JAZF1: variants seen among roughly 807,000 people sequenced by gnomAD.
The protein encoded by JAZF1 is JAZF zinc finger 1, also known as juxtaposed with another zinc finger protein 1.
JAZF1 carries 8 observed loss-of-function variants against 26.4 expected under a neutral mutation model. That is an observed-to-expected ratio of 0.30 (90% CI 0.18 to 0.55). The LOEUF is 0.55. Among genes scored for constraint, JAZF1 ranks in the 20% least tolerant of loss-of-function variants. JAZF1 has a pLI of 0.94. For missense variants in JAZF1, 199 were observed against 322.0 expected (o/e 0.62, Z 2.92); for synonymous variants, 126 against 122.3 (o/e 1.03, Z -0.20).
intron 1 of JAZF1, among the ~76,000 whole-genome samples, chr7:28,045,625 GGAGTA>G (rs1206842908): frequency 1.3e-5 from 2 of 152,258 alleles, no homozygotes; most frequent in Admixed American, 6.5e-5. Context: ...CGCCAAGTTT[GGAGTA>G]TAGTGACATG....
At chr7:27,954,184 C>T (rs1307008843) in intron 2 of JAZF1, among the ~76,000 whole-genome samples, 1 of 152,206 alleles carries the variant, frequency 6.6e-6, no homozygotes, top group Non-Finnish European at 1.5e-5. Flanking sequence ...GGATCCAATC[C>T]ATCATAGCTC....
intron 2 of JAZF1, among the ~76,000 whole-genome samples, chr7:27,907,430 T>G (rs2128344321): frequency 1.3e-5 from 2 of 152,300 alleles, no homozygotes; most frequent in Non-Finnish European, 2.9e-5. Context: ...GGAGAATTCT[T>G]ACATAAGAGG....
intron 1 of JAZF1, among the ~76,000 whole-genome samples, chr7:28,009,985 C>A (rs1054646250): frequency 6.6e-6 from 1 of 152,174 alleles, no homozygotes; most frequent in Non-Finnish European, 1.5e-5. Flanking sequence ...CATAGAAGAT[C>A]ATTTGCAATT....
At chr7:28,117,950 T>A (rs543472325) in intron 1 of JAZF1, among the ~76,000 whole-genome samples, 1 of 152,172 alleles carries the variant, frequency 6.6e-6, no homozygotes, top group Non-Finnish European at 1.5e-5. Flanking sequence ...ACTCACAGAA[T>A]TCTGGTTTAC....
chr7:28,156,061 C>T (rs1384745015), intron 1 of JAZF1, among the ~76,000 whole-genome samples: 1 of 152,256 alleles, frequency 6.6e-6, no homozygotes, highest in Non-Finnish European at 1.5e-5. Context: ...CAAATTGCCA[C>T]TCACTCCAGC....
intron 3 of JAZF1, among the ~76,000 whole-genome samples, chr7:27,851,905 A>G (rs546186640): frequency 6.7e-6 from 1 of 149,616 alleles, no homozygotes; most frequent in South Asian, 2.1e-4. Flanking sequence ...GTTCTGAGTT[A>G]TGGACCCACA....
chr7:27,892,511 C>T (rs1328504657), intron 3 of JAZF1, among the ~76,000 whole-genome samples: 4 of 152,144 alleles, frequency 2.6e-5, no homozygotes, highest in African/African-American at 9.7e-5. Context: ...TCACAGTTAT[C>T]TGGGGTTGGA....
At chr7:27,971,319 T>G (rs1485409044) in intron 2 of JAZF1, among the ~76,000 whole-genome samples, 13 of 152,176 alleles carry the variant, frequency 8.5e-5, no homozygotes, top group Non-Finnish European at 2.9e-5. Context: ...GAGTCCACGC[T>G]GGCTGAGGAT....
intron 1 of JAZF1, among the ~76,000 whole-genome samples, chr7:28,114,017 A>G (rs1002820348): frequency 2.6e-5 from 4 of 152,194 alleles, no homozygotes; most frequent in African/African-American, 9.7e-5. Context: ...AAAAATCTTT[A>G]CTCCACATAG....
chr7:28,098,550 G>T (rs1367358498), intron 1 of JAZF1, among the ~76,000 whole-genome samples: 1 of 151,778 alleles, frequency 6.6e-6, no homozygotes, highest in African/African-American at 2.4e-5. Context: ...CCAGTAAAAT[G>T]TAAATTCTGG....
intron 2 of JAZF1, among the ~76,000 whole-genome samples, chr7:27,934,488 C>A (rs1784733633): frequency 6.8e-6 from 1 of 147,758 alleles, no homozygotes; most frequent in Non-Finnish European, 1.5e-5. Context: ...CACACACACC[C>A]CATATATATT....
intron 1 of JAZF1, among the ~76,000 whole-genome samples, chr7:28,017,659 C>T (rs751682355): frequency 1.3e-5 from 2 of 152,242 alleles, no homozygotes; most frequent in Non-Finnish European, 2.9e-5. Flanking sequence ...CACATGAGTG[C>T]AGCACTGGCC....
chr7:27,954,841 T>A (rs10255553), intron 2 of JAZF1, among the ~76,000 whole-genome samples: 3,389 of 152,284 alleles, frequency 0.022, 115 homozygotes, highest in African/African-American at 0.07. Flanking sequence ...CACCGCAACC[T>A]CTGCCTCTTG....
At chr7:27,899,626 G>A (rs1386675450) in intron 2 of JAZF1, among the ~76,000 whole-genome samples, 1 of 151,850 alleles carries the variant, frequency 6.6e-6, no homozygotes, top group Non-Finnish European at 1.5e-5. Context: ...GTAGAGATGG[G>A]GTCTCTCTAT....
At chr7:28,008,180 T>G (rs1420773234) in intron 1 of JAZF1, among the ~76,000 whole-genome samples, 2 of 152,144 alleles carry the variant, frequency 1.3e-5, no homozygotes, top group Non-Finnish European at 2.9e-5. Context: ...TCACAAGCTT[T>G]AAGTGAGAAT....
At chr7:28,054,282 G>C (rs919580316) in intron 1 of JAZF1, among the ~76,000 whole-genome samples, 1 of 152,180 alleles carries the variant, frequency 6.6e-6, no homozygotes, top group African/African-American at 2.4e-5. Context: ...AGTAGTTATA[G>C]AAGTTGAAGA....
chr7:27,910,302 C>T (rs552757666), intron 2 of JAZF1, among the ~76,000 whole-genome samples: 1 of 152,310 alleles, frequency 6.6e-6, no homozygotes, highest in East Asian at 1.9e-4. Flanking sequence ...CTACATGCTC[C>T]ATCCCATGCA....
rs1276187320 is a variant in JAZF1, at chr7:27,907,926, A to G, written c.189-12510T>C. On this transcript the variant is annotated intron_variant, in intron 2 of 4. Transcript: ENST00000283928. ...TGCCCTAGGTAGTCACTACAAACCA[A>G]TGAAGGTGACATGTAAGCTGAAAGT... Among the ~76,000 whole-genome samples, 6 of 152,168 alleles carry G rather than the reference A, an allele frequency of 3.9e-5. No homozygotes were observed. The East Asian group carries it at 7.7e-4, about 20-fold the overall frequency.
At chr7:27,914,995 C>A (rs1413654696) in intron 2 of JAZF1, among the ~76,000 whole-genome samples, 1 of 152,154 alleles carries the variant, frequency 6.6e-6, no homozygotes, top group Non-Finnish European at 1.5e-5. Context: ...TTAGACCCAG[C>A]CTCAGCAACC....
Sources: allele counts gnomAD v4.1 joint callset (sites outside exome capture counted in the v4.1 genomes callset), GRCh38; gene constraint gnomAD v4.1.1; transcripts MANE v1.5; gene names NCBI Gene and HGNC (gene_info 2026-07-23, HGNC 2026-07-21).